Variants in SYNE2 observed in about 807,000 individuals in gnomAD.
SYNE2 encodes the protein nesprin-2.
SYNE2 carries 431 observed loss-of-function variants against 856.3 expected under a neutral mutation model. The observed-to-expected ratio is 0.50, with a 90% CI of 0.47 to 0.55. SYNE2 has a LOEUF of 0.55. Ranked by LOEUF, SYNE2 falls within the 20% of genes least tolerant of loss-of-function variation. SYNE2 has a pLI of 0.00. For synonymous variants in SYNE2, 2,923 were observed against 2,872.3 expected (o/e 1.02, Z -0.56); for missense variants, 8,129 against 8,023.2 (o/e 1.01, Z -0.50).
intron 99 of SYNE2, chr14:64,190,921 C>A (rs1014351451): frequency 8.6e-6 from 6 of 701,476 alleles, no homozygotes; most frequent in Non-Finnish European, 1.6e-5. Flanking sequence ...TAAAGACAAA[C>A]TCCAGGTGGA....
chr14:63,929,004 G>C (rs1448181108), intron 2 of SYNE2, among the ~76,000 whole-genome samples: 2 of 152,100 alleles, frequency 1.3e-5, no homozygotes, highest in Non-Finnish European at 2.9e-5. Context: ...GAACCACAGG[G>C]ATGTTAGGAA....
At chr14:63,871,326 C>T (rs529319367) in intron 1 of SYNE2, among the ~76,000 whole-genome samples, 1 of 151,942 alleles carries the variant, frequency 6.6e-6, no homozygotes, top group Admixed American at 6.6e-5. Context: ...CTGCCTCAGC[C>T]TCCTGAGTAG....
intron 1 of SYNE2, among the ~76,000 whole-genome samples, chr14:63,836,689 C>T (rs980980526): frequency 3.3e-5 from 5 of 152,176 alleles, no homozygotes; most frequent in African/African-American, 9.6e-5. Flanking sequence ...TCATCTCTTG[C>T]CTGAATTATT....
At position 64,087,896 on chromosome 14, in the gene SYNE2, T is replaced by C. The variant is rs768613521; in HGVS notation, c.11670+40T>C. ...TTCATTTAATCATTCAGGATTAAAT[T>C]AGAGGCTGGGCAATGGTGGCTCATC... On this transcript the variant is annotated intron_variant, in intron 58 of 115. Coordinates refer to ENST00000555002, the MANE Select transcript of SYNE2 (RefSeq NM_182914.3). 2.5e-6 allele frequency: 4 copies of C among 1,602,876 alleles called. No homozygotes were observed. The East Asian group carries it at 9.0e-5, about 36-fold the overall frequency.
chr14:63,903,069 CTG>C (rs1421984048), intron 1 of SYNE2, among the ~76,000 whole-genome samples: 1 of 152,134 alleles, frequency 6.6e-6, no homozygotes, highest in Non-Finnish European at 1.5e-5. Flanking sequence ...CTTTTCTACT[CTG>C]TTCCAGTTTT....
intron 52 of SYNE2, 82 bp from the exon 53 acceptor site, chr14:64,073,886 T>A: frequency 6.8e-7 from 1 of 1,472,116 alleles, no homozygotes. Context: ...GGCATTTCAT[T>A]AATTGTTGCA....
chr14:63,967,874 A>G (rs774031162), intron 11 of SYNE2, 28 bp downstream of exon 11: 1 of 1,612,370 alleles, frequency 6.2e-7, no homozygotes, highest in Non-Finnish European at 8.5e-7. Context: ...TTAGAAGAAT[A>G]TTTTCAGGCC....
intron 87 of SYNE2, among the ~76,000 whole-genome samples, chr14:64,159,830 GA>G (rs1186679332): frequency 6.6e-6 from 1 of 152,212 alleles, no homozygotes; most frequent in South Asian, 2.1e-4. Context: ...TAAGGTGGAA[GA>G]AAGGGGATGT....
rs1376217734 is a variant in SYNE2, at chr14:64,104,011, A to G, written c.12492+1969A>G. ...ACACCTGATACGATTTCATGAGTGG[A>G]AAGAAGCTTATCGTTTATATCCTAT... On this transcript the variant is annotated intron_variant, in intron 64 of 115. Coordinates refer to ENST00000555002, the MANE Select transcript of SYNE2 (RefSeq NM_182914.3). Among the ~76,000 whole-genome samples the G allele has an allele frequency of 2.0e-5, 3 of 152,238 alleles. No individual in the cohort carries two copies. The East Asian group carries it at 5.8e-4, about 29-fold the overall frequency.
chr14:63,815,057 TA>T (rs1226716993), intron 1 of SYNE2, among the ~76,000 whole-genome samples: 2 of 145,698 alleles, frequency 1.4e-5, no homozygotes, highest in African/African-American at 5.0e-5. Context: ...TATATATCCA[TA>T]TATACATCCA....
At chr14:64,066,721 G>A (rs1378117466) in intron 51 of SYNE2, among the ~76,000 whole-genome samples, 1 of 152,188 alleles carries the variant, frequency 6.6e-6, no homozygotes, top group African/African-American at 2.4e-5. Context: ...CCTGTCCATA[G>A]TGGTACCATT....
chr14:64,180,424 G>A (rs929275047), intron 96 of SYNE2, among the ~76,000 whole-genome samples: 2 of 151,632 alleles, frequency 1.3e-5, no homozygotes, highest in African/African-American at 2.4e-5. Context: ...ATTATTTTTA[G>A]TATTCCTGCT....
At chr14:63,823,077 C>T (rs900630108) in intron 1 of SYNE2, among the ~76,000 whole-genome samples, 2 of 151,922 alleles carry the variant, frequency 1.3e-5, no homozygotes, top group African/African-American at 4.8e-5. Flanking sequence ...GCACTCCAGC[C>T]AGGGAGGCAG....
intron 66 of SYNE2, among the ~76,000 whole-genome samples, chr14:64,116,562 C>T (rs2097855266): frequency 6.6e-6 from 1 of 152,124 alleles, no homozygotes; most frequent in South Asian, 2.1e-4. Context: ...GGATTACAGG[C>T]ATGCACCACA....
intron 100 of SYNE2, among the ~76,000 whole-genome samples, chr14:64,205,784 A>T (rs1002898970): frequency 6.6e-6 from 1 of 152,140 alleles, no homozygotes; most frequent in Non-Finnish European, 1.5e-5. Context: ...ACTTTCATTG[A>T]ATCTTTAAGA....
At position 63,983,005 on chromosome 14, in the gene SYNE2, A is replaced by G. The variant is rs1255898; in HGVS notation, c.2001+211A>G. Among the ~76,000 whole-genome samples, 60,395 of 151,892 alleles carry G rather than the reference A, an allele frequency of 0.4. 12,242 individuals carry two copies. The highest frequency in any genetic ancestry group is 0.49 in the Middle Eastern group (143 of 294). ...CCAACCCCCACCCCCTAAGCCCTAC[A>G]CAACCATGAATCCACTGTCTTTCTA... On this transcript the variant is annotated intron_variant, in intron 17 of 115. Coordinates refer to ENST00000555002, the MANE Select transcript of SYNE2 (RefSeq NM_182914.3).
At chr14:63,819,554 T>C (rs79736583) in intron 1 of SYNE2, among the ~76,000 whole-genome samples, 2 of 150,896 alleles carry the variant, frequency 1.3e-5, no homozygotes, top group Non-Finnish European at 3.0e-5. Context: ...TTTTTTTTTT[T>C]GAGACAGAGT....
intron 2 of SYNE2, among the ~76,000 whole-genome samples, chr14:63,928,795 C>G (rs1171136060): frequency 6.6e-6 from 1 of 152,084 alleles, no homozygotes; most frequent in Non-Finnish European, 1.5e-5. Context: ...GAACACATGG[C>G]TAAAATATGT....
chr14:64,170,200 G>A (rs375216267), intron 93 of SYNE2, 28 bp from the exon 94 acceptor site: 15 of 1,606,936 alleles, frequency 9.3e-6, no homozygotes, highest in Non-Finnish European at 1.3e-5. Context: ...TCGATGTCTG[G>A]ATTCTATAAC....
Sources: gnomAD v4.1 joint callset for allele counts (sites outside exome capture counted in the v4.1 genomes callset) on GRCh38, gnomAD v4.1.1 for gene constraint, MANE v1.5 for transcripts, NCBI Gene and HGNC (gene_info 2026-07-23, HGNC 2026-07-21) for gene names.